CNNM3: variants seen among roughly 807,000 people sequenced by gnomAD.
CNNM3 encodes the protein cyclin and CBS domain divalent metal cation transport mediator 3.
A neutral mutation model predicts 57.1 loss-of-function variants in CNNM3; 47 were observed. The observed-to-expected ratio is 0.82, with a 90% CI of 0.65 to 1.05. The LOEUF (loss-of-function observed/expected upper bound fraction) is 1.05. Ranked by LOEUF, CNNM3 falls within the 50% of genes least tolerant of loss-of-function variation. The pLI, the probability that CNNM3 is intolerant of heterozygous loss-of-function variation, is 0.00. For missense variants in CNNM3, 957 were observed against 973.7 expected, an observed-to-expected ratio of 0.98 and a Z score of 0.23; for synonymous variants, 507 against 478.2, an observed-to-expected ratio of 1.06 and a Z score of -0.79.
intron 1 of CNNM3, among the ~76,000 whole-genome samples, chr2:96,821,987 A>G (rs1194764460): frequency 8.4e-6 from 1 of 119,376 alleles, no homozygotes; most frequent in African/African-American, 4.0e-5. Context: ...ACAAAAGAAC[A>G]TTATTATTAT....
At chr2:96,820,005 C>A (rs1315944810) in intron 1 of CNNM3, among the ~76,000 whole-genome samples, 1 of 152,210 alleles carries the variant, frequency 6.6e-6, no homozygotes, top group African/African-American at 2.4e-5. Flanking sequence ...GGCAGGATGT[C>A]CCCTGGCGGG....
intron 5 of CNNM3, 50 bp downstream of exon 5, chr2:96,828,245 C>A: frequency 2.7e-6 from 4 of 1,455,880 alleles, no homozygotes; most frequent in Non-Finnish European, 2.9e-6. Flanking sequence ...GGCTGCAGAG[C>A]CTGTCCCCCA....
At chr2:96,835,469 C>CTTT (rs535208227), downstream of CNNM3, among the ~76,000 whole-genome samples, 5 of 137,588 alleles carry the variant, frequency 3.6e-5, no homozygotes, top group African/African-American at 8.2e-5. Flanking sequence ...AACAATCAAA[C>CTTT]TTTTTTTTTT....
intron 1 of CNNM3, among the ~76,000 whole-genome samples, chr2:96,822,633 C>G (rs1217189643): frequency 1.3e-5 from 2 of 152,134 alleles, no homozygotes; most frequent in African/African-American, 2.4e-5. Flanking sequence ...TAAAGGAACC[C>G]AGCTCTGGTT....
chr2:96,837,199 G>A (rs537818181), downstream of CNNM3: 5 of 152,112 alleles, frequency 3.3e-5, no homozygotes, highest in Non-Finnish European at 5.9e-5. Flanking sequence ...CTATAAATTT[G>A]TATATGAATT....
intron 4 of CNNM3, 38 bp downstream of exon 4, chr2:96,827,938 C>G: frequency 6.2e-7 from 1 of 1,600,720 alleles, no homozygotes; most frequent in South Asian, 1.1e-5. Context: ...CCTCCTGCTT[C>G]CTCAGGCCAG....
intron 2 of CNNM3, 75 bp downstream of exon 2, chr2:96,825,276 C>T (rs2079481451): frequency 6.5e-6 from 10 of 1,546,486 alleles, no homozygotes; most frequent in Admixed American, 1.8e-5. Flanking sequence ...CGTCAGAGGC[C>T]AGTGGGCCTC....
downstream of CNNM3, chr2:96,837,382 C>T (rs2079703638): frequency 6.6e-6 from 1 of 152,198 alleles, no homozygotes; most frequent in Non-Finnish European, 1.5e-5. Context: ...TTATAATTTT[C>T]AGCATACAAG....
chr2:96,825,815 C>T (rs560831585), intron 2 of CNNM3, among the ~76,000 whole-genome samples: 69 of 140,902 alleles, frequency 4.9e-4, no homozygotes, highest in African/African-American at 2.0e-3. Flanking sequence ...GCAGAAGAAT[C>T]GCTTGAACCT....
At chr2:96,824,791 CCCAGCTCTG>C (rs993263492) in intron 1 of CNNM3, 13 of 476,846 alleles carry the variant, frequency 2.7e-5, no homozygotes, top group East Asian at 1.1e-4. Context: ...GGAGCTGGAT[CCCAGCTCTG>C]CCAGCTCTGC....
At chr2:96,826,770 TAG>T in intron 2 of CNNM3, 61 bp from the exon 3 acceptor site, 1 of 1,596,470 alleles carries the variant, frequency 6.3e-7, no homozygotes. Flanking sequence ...TGCAGCCCCT[TAG>T]TGTGGTCGTG....
At chr2:96,818,383 C>CTT (rs755863198) in intron 1 of CNNM3, among the ~76,000 whole-genome samples, 109 of 125,414 alleles carry the variant, frequency 8.7e-4, no homozygotes, top group African/African-American at 2.6e-3. Flanking sequence ...GTGCCCGGCC[C>CTT]TTTTTTTTTT....
chr2:96,826,911 T>C lies in CNNM3; in HGVS notation c.1448T>C (p.Val483Ala), dbSNP rs144405040. 480 of 1,614,188 alleles carry C rather than the reference T, an allele frequency of 3.0e-4. No individual in the cohort carries two copies. The highest frequency in any genetic ancestry group is 1.7e-3 in the Admixed American group (104 of 60,018). ...AAGGAGGAGTTCTCCTTGTTCAAGG[T>C]GTCTGATGATGAATATAAAGTAACA... ...KRKEEFSLFK[V>A]SDDEYKVTIS... The change falls in exon 3 of 8, where the codon GTG becomes GCG. Residue 483 changes from valine (V) to alanine (A), a missense_variant. Physicochemically the swap from Val to Ala is moderately conservative, Grantham distance 64. This residue lies in a region of CNNM3 where 491 missense variants were observed against 570.6 expected (regional missense o/e 0.86). Coordinates refer to ENST00000305510, the MANE Select transcript of CNNM3 (RefSeq NM_017623.5).
chr2:96,819,299 C>G (rs1226898069), intron 1 of CNNM3, among the ~76,000 whole-genome samples: 1 of 152,204 alleles, frequency 6.6e-6, no homozygotes, highest in Non-Finnish European at 1.5e-5. Flanking sequence ...CATTGCAACC[C>G]TGGAATCAGC....
At chr2:96,828,887 C>T in intron 6 of CNNM3, 109 bp from the exon 7 acceptor site, 1 of 1,531,550 alleles carries the variant, frequency 6.5e-7, no homozygotes, top group Non-Finnish European at 8.9e-7. Flanking sequence ...CTGCCCTTAA[C>T]TAGCTTAAAG....
rs761919472 is a variant in CNNM3 at position 96,817,196 on chromosome 2, G to A, written c.919G>A (p.Gly307Ser). The change falls in exon 1 of 8, where the codon GGC (glycine) becomes AGC (serine). Residue 307 changes from glycine to serine, a missense_variant. Around this residue, in one of 2 missense-constraint regions of CNNM3, gnomAD observed 491 missense variants for 570.6 expected, o/e 0.86. Transcript: ENST00000305510. The stretch of plus-strand genomic sequence containing the variant: ...CGACCCCTACAGCGATCTCAGCAAG[G>A]GCGTGCTGCGCTGCCGGACCGTGGA... ...GGDPYSDLSK[G>S]VLRCRTVEDV... The A allele has an allele frequency of 1.9e-6, 3 of 1,586,090 alleles. No individual in the cohort carries two copies. Among genetic ancestry groups the A allele is most frequent in the Non-Finnish European group, 2.6e-6 (3 of 1,169,394 alleles).
chr2:96,831,260 G>A (rs575073554), intron 7 of CNNM3, among the ~76,000 whole-genome samples: 5 of 152,254 alleles, frequency 3.3e-5, no homozygotes, highest in African/African-American at 4.8e-5. Context: ...GCCTGAACTC[G>A]GGTTGTCCTG....
downstream of CNNM3, among the ~76,000 whole-genome samples, chr2:96,835,691 TCTC>T (rs1489541644): frequency 6.6e-5 from 10 of 152,228 alleles, no homozygotes; most frequent in East Asian, 1.9e-3. Context: ...ATGGTCTCGA[TCTC>T]CTGACTTCGT....
chr2:96,817,779 A>T (rs531766349), intron 1 of CNNM3, among the ~76,000 whole-genome samples: 1 of 150,392 alleles, frequency 6.6e-6, no homozygotes, highest in African/African-American at 2.5e-5. Context: ...AGGGAGGGGT[A>T]TGTCCGCTTG....
Sources: gnomAD v4.1 joint callset for allele counts (sites outside exome capture counted in the v4.1 genomes callset) on GRCh38, gnomAD v4.1.1 for gene constraint, gnomAD v4.1.1 regional missense constraint, MANE v1.5 for transcripts, NCBI Gene and HGNC (gene_info 2026-07-23, HGNC 2026-07-21) for gene names.